PCDHGA6: variants seen among roughly 807,000 people sequenced by gnomAD.
The protein encoded by PCDHGA6 is protocadherin gamma-A6.
A neutral mutation model predicts 60.6 loss-of-function variants in PCDHGA6; 41 were observed. That is an observed-to-expected ratio of 0.68 (90% CI 0.53 to 0.88). The LOEUF (loss-of-function observed/expected upper bound fraction) is 0.88, where lower values mean the gene tolerates loss of function less well. Ranked by LOEUF, PCDHGA6 falls within the 40% of genes least tolerant of loss-of-function variation. The probability of loss-of-function intolerance (pLI) is 0.00; values close to 1 mark genes in which losing one functional copy is unlikely to be tolerated. For missense variants in PCDHGA6, 1,312 were observed against 1,203.0 expected, an observed-to-expected ratio of 1.09 and a Z score of -1.34; for synonymous variants, 594 against 524.4, an observed-to-expected ratio of 1.13 and a Z score of -1.81.
At chr5:141,484,660 T>G in intron 1 of PCDHGA6, among the ~76,000 whole-genome samples, 1 of 151,976 alleles carries the variant, frequency 6.6e-6, no homozygotes, top group Non-Finnish European at 1.5e-5. Flanking sequence ...ACTCTCCCTC[T>G]CAGTGGGCCG....
chr5:141,432,071 AT>A lies in PCDHGA6; in HGVS notation c.2424+55565del. 1 of 1,614,158 alleles carries A rather than the reference AT, an allele frequency of 6.2e-7. No individual in the cohort carries two copies. Among genetic ancestry groups the A allele is most frequent in the Non-Finnish European group, 8.5e-7 (1 of 1,180,032 alleles). ...CCCGCCCCTATCCACGGAAACTCAT[AT>A]CTCGCTGAACGTGGCAGACACCAAC... On this transcript the variant is annotated intron_variant, in intron 1 of 3. Transcript: ENST00000517434. The surrounding 1 kb of genome is among the most constrained non-coding windows in gnomAD (Gnocchi z 6.0).
At chr5:141,404,326 A>G in intron 1 of PCDHGA6, 2 of 1,613,904 alleles carry the variant, frequency 1.2e-6, no homozygotes, top group Non-Finnish European at 1.7e-6. Context: ...CCTCCTACTC[A>G]GTCTACCTCC....
chr5:141,397,805 A>G (rs1015155491), intron 1 of PCDHGA6, among the ~76,000 whole-genome samples: 1 of 152,236 alleles, frequency 6.6e-6, no homozygotes, highest in African/African-American at 2.4e-5. Flanking sequence ...TAAGTTAGGC[A>G]CACAAAAACA....
intron 1 of PCDHGA6, chr5:141,415,868 G>A: frequency 9.2e-7 from 1 of 1,090,360 alleles, no homozygotes; most frequent in Non-Finnish European, 1.2e-6. Flanking sequence ...TTATAGTGTT[G>A]TTGAGTACAA....
At chr5:141,500,223 T>TATTG (rs1554186512) in intron 2 of PCDHGA6, among the ~76,000 whole-genome samples, 5 of 145,410 alleles carry the variant, frequency 3.4e-5, no homozygotes, top group African/African-American at 5.2e-5. Context: ...TTTATTTATT[T>TATTG]ATTGATACGT....
intron 1 of PCDHGA6, chr5:141,405,445 A>G: frequency 7.3e-7 from 1 of 1,360,898 alleles, no homozygotes; most frequent in Non-Finnish European, 1.0e-6. Context: ...TTTGAGACAG[A>G]GTCTTACTCT....
At chr5:141,478,322 C>G (rs1360535508) in intron 1 of PCDHGA6, 28 of 1,613,976 alleles carry the variant, frequency 1.7e-5, no homozygotes, top group Non-Finnish European at 2.3e-5. Context: ...CTCACTGTAC[C>G]GAACACCAGG....
At chr5:141,419,576 G>A (rs958064613) in intron 1 of PCDHGA6, 10 of 1,611,766 alleles carry the variant, frequency 6.2e-6, no homozygotes, top group Non-Finnish European at 6.8e-6. Flanking sequence ...CGACGGCTCC[G>A]CGCTCTTCGA....
At chr5:141,400,339 A>G in intron 1 of PCDHGA6, 1 of 1,613,986 alleles carries the variant, frequency 6.2e-7, no homozygotes. Flanking sequence ...GGTTCCCCCC[A>G]ACTACAGTCA....
intron 1 of PCDHGA6, among the ~76,000 whole-genome samples, chr5:141,457,543 A>G (rs555448211): frequency 2.6e-5 from 4 of 152,346 alleles, no homozygotes; most frequent in African/African-American, 9.6e-5. Flanking sequence ...TTAATGACAA[A>G]TGTATGATAA....
chr5:141,374,414 G>C lies in PCDHGA6; in HGVS notation c.331G>C (p.Glu111Gln). 6.2e-7 allele frequency: 1 copy of C among 1,614,026 alleles called. No homozygotes were observed. The highest frequency in any genetic ancestry group is 1.1e-5 in the South Asian group (1 of 91,084). The change falls in exon 1 of 4, where the codon GAG becomes CAG. Residue 111 changes from glutamate to glutamine, a missense_variant. Glu to Gln is a conservative substitution (Grantham distance 29). Transcript: ENST00000517434. ...RCLVSFNILV[E>Q]DKLNLYPVEV... ...TCTGGTGAGTTTTAACATCCTTGTC[G>C]AGGATAAACTGAATCTTTATCCCGT...
rs138745923 is a variant in PCDHGA6, at chr5:141,420,954, A to C, written c.2424+44447A>C. On this transcript the variant is annotated intron_variant, in intron 1 of 3. Transcript: ENST00000517434. ...GTAATCATTTCTTCTGGAATTTCTTAGTCGTTGCAATAATAAGAATGGGCT... is the reference window on the plus strand; with the variant it reads ...GTAATCATTTCTTCTGGAATTTCTTCGTCGTTGCAATAATAAGAATGGGCT... 3.9e-3 allele frequency: 1,621 copies of C among 412,482 alleles called. 10 individuals are homozygous for C. The highest frequency in any genetic ancestry group is 0.01 in the Admixed American group (249 of 24,550). The allele number at this position is 412,482 out of a possible 1,614,324, so 25.6% of individuals were successfully genotyped here.
rs70988800 is a variant in PCDHGA6 at position 141,379,889 on chromosome 5, C to CTTTTTTTTTTTTTTTTT, written c.2424+3396_2424+3412dup. On this transcript the variant is annotated intron_variant, in intron 1 of 3. Transcript: ENST00000517434. ...CTTATTTTATGGTCTGTGAAAGCCT[C>CTTTTTTTTTTTTTTTTT]TTTTTTTTTTTTTTTTTTTTTTTTT... Among the ~76,000 whole-genome samples the CTTTTTTTTTTTTTTTTT allele has an allele frequency of 3.2e-3, 165 of 50,828 alleles. 28 individuals carry two copies. Among genetic ancestry groups the CTTTTTTTTTTTTTTTTT allele is most frequent in the Non-Finnish European group, 4.5e-3 (116 of 25,882 alleles). The allele number at this position is 50,828 out of a possible 152,430, so 33.3% of individuals were successfully genotyped here. A position where few individuals can be genotyped will look rare whatever the true frequency, so the allele number is the denominator to read the frequency against.
intron 1 of PCDHGA6, chr5:141,400,547 C>T (rs534226736): frequency 2.5e-6 from 4 of 1,613,676 alleles, no homozygotes; most frequent in Non-Finnish European, 3.4e-6. Context: ...TATGTCTATT[C>T]TTTTTCATTA....
At chr5:141,473,131 A>G (rs1262205483) in intron 1 of PCDHGA6, among the ~76,000 whole-genome samples, 2 of 152,214 alleles carry the variant, frequency 1.3e-5, no homozygotes, top group Admixed American at 6.5e-5. Context: ...TTGGCAAACT[A>G]TATTATCTCT....
chr5:141,504,130 C>T (rs1334901812), intron 2 of PCDHGA6, among the ~76,000 whole-genome samples: 1 of 152,154 alleles, frequency 6.6e-6, no homozygotes, highest in African/African-American at 2.4e-5. Flanking sequence ...TGTTTCCCGC[C>T]AACACTCCCC....
chr5:141,432,104 C>T lies in PCDHGA6; in HGVS notation c.2424+55597C>T. The stretch of plus-strand genomic sequence containing the variant: ...GAACGTGGCAGACACCAACGACAAC[C>T]CGCCGGTCTTCCCTCAGGCCTCCTA... On this transcript the variant is annotated intron_variant, in intron 1 of 3. Coordinates refer to ENST00000517434, the MANE Select transcript of PCDHGA6 (RefSeq NM_018919.3). This position sits in a 1 kb window ranked among gnomAD's most constrained non-coding sequence, Gnocchi z 6.0. 1 of 1,614,204 alleles carries T rather than the reference C, an allele frequency of 6.2e-7. No individual in the cohort carries two copies. The highest frequency in any genetic ancestry group is 1.7e-5 in the Admixed American group (1 of 60,026).
intron 1 of PCDHGA6, chr5:141,440,534 C>A (rs562736984): frequency 1.3e-5 from 2 of 152,188 alleles, no homozygotes; most frequent in East Asian, 3.9e-4. Flanking sequence ...TCATGCACCA[C>A]GGTTCAGCAG....
At chr5:141,452,951 G>A (rs1397204185) in intron 1 of PCDHGA6, among the ~76,000 whole-genome samples, 1 of 152,154 alleles carries the variant, frequency 6.6e-6, no homozygotes, top group Admixed American at 6.6e-5. Context: ...GCAATTGGTT[G>A]TCTTTAAACT....
Sources: allele counts gnomAD v4.1 joint callset (sites outside exome capture counted in the v4.1 genomes callset), GRCh38; gene constraint gnomAD v4.1.1; non-coding constraint Gnocchi (gnomAD v3.1); transcripts MANE v1.5; gene names NCBI Gene and HGNC (gene_info 2026-07-23, HGNC 2026-07-21).